Variants in ZNF236 observed in about 807,000 individuals in gnomAD.
ZNF236 encodes zinc finger protein 236, also known as regulated by glucose.
ZNF236 carries 50 observed loss-of-function variants against 191.2 expected under a neutral mutation model. The ratio of observed to expected loss-of-function variants is 0.26; its 90% CI spans 0.21 to 0.33. ZNF236 has a LOEUF of 0.33. Among genes scored for constraint, ZNF236 ranks in the 10% least tolerant of loss-of-function variants. The pLI is 1.00. For synonymous variants in ZNF236, 907 were observed against 928.8 expected (o/e 0.98, Z 0.43); for missense variants, 1,754 against 2,374.5 (o/e 0.74, Z 5.43).
chr18:76,951,874 C>A (rs1968418393), intron 27 of ZNF236, among the ~76,000 whole-genome samples: 1 of 152,122 alleles, frequency 6.6e-6, no homozygotes, highest in African/African-American at 2.4e-5. Flanking sequence ...CATTAATTGG[C>A]CTCATTTTAG....
In ZNF236 at chr18:76,912,395, C is replaced by T. The variant is rs756970237; in HGVS notation, c.2909+48C>T. 43 of 1,426,646 alleles carry T rather than the reference C, an allele frequency of 3.0e-5. No individual in the cohort carries two copies. The East Asian group carries it at 3.2e-4, about 11-fold the overall frequency. The allele number at this position is 1,426,646 out of a possible 1,614,324, so 88.4% of individuals were successfully genotyped here. A position where few individuals can be genotyped will look rare whatever the true frequency, so the allele number is the denominator to read the frequency against. On this transcript the variant is annotated intron_variant, in intron 17 of 30. Transcript: ENST00000320610. ...TCATGGTATTGCCGGCTCCCAGGAA[C>T]GGATGCTGCTGTGTGTTTGCCCCGC...
At chr18:76,956,826 A>G (rs2122952124) in intron 28 of ZNF236, among the ~76,000 whole-genome samples, 1 of 152,258 alleles carries the variant, frequency 6.6e-6, no homozygotes, top group South Asian at 2.1e-4. Context: ...TTCCGTGTGA[A>G]GGGAATGGGG....
chr18:76,861,920 A>C (rs1182738497), intron 3 of ZNF236, among the ~76,000 whole-genome samples: 2 of 152,090 alleles, frequency 1.3e-5, no homozygotes, highest in Non-Finnish European at 2.9e-5. Context: ...GCTGGAGTGC[A>C]GTGGTGCGAT....
rs1470007032 is a variant in ZNF236 at position 76,928,181 on chromosome 18, A to G, written c.4594+75A>G. 8 of 1,227,180 alleles carry G rather than the reference A, an allele frequency of 6.5e-6. No homozygotes were observed. The Admixed American group carries it at 1.1e-4, about 17-fold the overall frequency. 76.0% of individuals were successfully genotyped at this position (1,227,180 alleles called of 1,614,324 possible). A position where few individuals can be genotyped will look rare whatever the true frequency, so the allele number is the denominator to read the frequency against. On this transcript the variant is annotated intron_variant, in intron 25 of 30. Coordinates refer to ENST00000320610, the MANE Select transcript of ZNF236 (RefSeq NM_001306089.2). ...TGTATATCTTACTATCTCTTTTCCT[A>G]CAATACTCTGCTGTGCATAAAGCCC...
intron 1 of ZNF236, chr18:76,849,300 T>G (rs1035792742): frequency 2.3e-6 from 1 of 428,752 alleles, no homozygotes; most frequent in African/African-American, 2.1e-5. Context: ...CCCACCAATA[T>G]GTATTTAGAA....
intron 1 of ZNF236, among the ~76,000 whole-genome samples, chr18:76,847,602 G>A (rs999704816): frequency 3.3e-5 from 5 of 152,102 alleles, no homozygotes; most frequent in Admixed American, 1.3e-4. Flanking sequence ...AGTAGCTGGG[G>A]CTACAGGCGC....
At chr18:76,836,959 T>G (rs1975347835) in intron 1 of ZNF236, among the ~76,000 whole-genome samples, 1 of 152,064 alleles carries the variant, frequency 6.6e-6, no homozygotes, top group East Asian at 1.9e-4. Context: ...CACTGCAACC[T>G]TTGACTTCCA....
At chr18:76,910,907 T>A in intron 16 of ZNF236, 96 bp downstream of exon 16, 1 of 1,390,188 alleles carries the variant, frequency 7.2e-7, no homozygotes, top group Non-Finnish European at 9.8e-7. Flanking sequence ...AGGGAAATTT[T>A]AAGAGGCATG....
intron 27 of ZNF236, among the ~76,000 whole-genome samples, chr18:76,950,213 A>G (rs1053033860): frequency 6.6e-5 from 10 of 152,198 alleles, no homozygotes; most frequent in Non-Finnish European, 1.2e-4. Flanking sequence ...TCCCCATAGC[A>G]TGCAATGATG....
At chr18:76,873,894 T>C (rs1214305218) in intron 5 of ZNF236, among the ~76,000 whole-genome samples, 1 of 148,698 alleles carries the variant, frequency 6.7e-6, no homozygotes, top group Non-Finnish European at 1.5e-5. Context: ...TGTCGTCCTC[T>C]CCTGTCCCCA....
intron 9 of ZNF236, chr18:76,888,495 T>G (rs1977127845): frequency 6.6e-6 from 1 of 152,326 alleles, no homozygotes; most frequent in Non-Finnish European, 1.5e-5. Flanking sequence ...TGCGTGACGC[T>G]GAGATATCAG....
At chr18:76,834,805 C>A (rs1349768686) in intron 1 of ZNF236, 10 of 470,572 alleles carry the variant, frequency 2.1e-5, no homozygotes, top group Non-Finnish European at 4.2e-5. Flanking sequence ...AAGACAAAAT[C>A]TTCCTGCGAA....
rs1041591177 is a variant in ZNF236, at chr18:76,970,041, C to G, written c.*1702C>G. 2.0e-5 allele frequency: 3 copies of G among 152,616 alleles called. No individual in the cohort carries two copies. The highest frequency in any genetic ancestry group is 7.2e-5 in the African/African-American group (3 of 41,440). The allele number at this position is 152,616 out of a possible 1,614,324, so 9.5% of individuals were successfully genotyped here. On this transcript the variant is annotated 3_prime_UTR_variant, in exon 31 of 31. Transcript: ENST00000320610. Reference sequence around the variant, plus strand: ...CTTGAATGTCAGTGTGTAAACCTGGCTGTAGCCGCATATGCAGAATAACTG... The same window carrying G: ...CTTGAATGTCAGTGTGTAAACCTGGGTGTAGCCGCATATGCAGAATAACTG...
In ZNF236 at chr18:76,970,869, C is replaced by CA. The variant is rs1356972421; in HGVS notation, c.*2531dup. The stretch of plus-strand genomic sequence containing the variant: ...TGAAGTTCAGAGGCGTTTACCCCTG[C>CA]AGTGTCCACTGGAAAGGCTTCAGAC... On this transcript the variant is annotated 3_prime_UTR_variant, in exon 31 of 31. Transcript: ENST00000320610. 1 of 152,252 alleles carries CA rather than the reference C, an allele frequency of 6.6e-6. No individual in the cohort carries two copies. Among genetic ancestry groups the CA allele is most frequent in the African/African-American group, 2.4e-5 (1 of 41,470 alleles). The allele number at this position is 152,252 out of a possible 1,614,324, so 9.4% of individuals were successfully genotyped here. A position where few individuals can be genotyped will look rare whatever the true frequency, so the allele number is the denominator to read the frequency against.
intron 26 of ZNF236, among the ~76,000 whole-genome samples, chr18:76,944,316 C>T (rs1482058430): frequency 6.6e-6 from 1 of 152,126 alleles, no homozygotes; most frequent in African/African-American, 2.4e-5. Flanking sequence ...TAATCTTTAC[C>T]TCAGTGTAAA....
At position 76,927,083 on chromosome 18, in the gene ZNF236, C is replaced by T; in HGVS notation, c.4074C>T (p.Thr1358=). ...TVSLTDGSLA[T]LEGIQLQLAA... ...CTCTGACAGATGGGAGCCTGGCTACCCTAGAAGGCATCCAGTTACAGTTGG... is the reference window on the plus strand; with the variant it reads ...CTCTGACAGATGGGAGCCTGGCTACTCTAGAAGGCATCCAGTTACAGTTGG... Residue 1358 remains threonine, a synonymous_variant, in exon 23 of 31, where the codon ACC becomes ACT. Transcript: ENST00000320610. This position sits in a 1 kb window ranked among gnomAD's most constrained non-coding sequence, Gnocchi z 5.4. 1.2e-6 allele frequency: 2 copies of T among 1,613,792 alleles called. No individual in the cohort carries two copies. Among genetic ancestry groups the T allele is most frequent in the Non-Finnish European group, 1.7e-6 (2 of 1,179,946 alleles).
intron 18 of ZNF236, among the ~76,000 whole-genome samples, chr18:76,914,348 CAT>C (rs1967299529): frequency 6.6e-6 from 1 of 152,144 alleles, no homozygotes; most frequent in South Asian, 2.1e-4. Flanking sequence ...GAGTTATTTC[CAT>C]ATTTTGTTTA....
Position 76,935,715 on chromosome 18 carries a change from A to G in ZNF236, c.4595-1441A>G, listed in dbSNP as rs75676758. On this transcript the variant is annotated intron_variant, in intron 25 of 30. Coordinates refer to ENST00000320610, the MANE Select transcript of ZNF236 (RefSeq NM_001306089.2). ...TCTATGGTTTTGACCACTCATGTTAAAAACGTACCCGCAGGCTAGTGTGCG... is the reference window on the plus strand; with the variant it reads ...TCTATGGTTTTGACCACTCATGTTAGAAACGTACCCGCAGGCTAGTGTGCG... Among the ~76,000 whole-genome samples the G allele has an allele frequency of 4.9e-3, 742 of 152,322 alleles. 6 individuals carry two copies. The highest frequency in any genetic ancestry group is 0.017 in the African/African-American group (709 of 41,546).
At chr18:76,911,112 T>C (rs1967206694) in intron 16 of ZNF236, among the ~76,000 whole-genome samples, 1 of 152,254 alleles carries the variant, frequency 6.6e-6, no homozygotes, top group South Asian at 2.1e-4. Context: ...GGTACTATGT[T>C]GCTTTAGGCA....
Sources: allele counts gnomAD v4.1 joint callset (sites outside exome capture counted in the v4.1 genomes callset), GRCh38; gene constraint gnomAD v4.1.1; non-coding constraint Gnocchi (gnomAD v3.1); transcripts MANE v1.5; gene names NCBI Gene and HGNC (gene_info 2026-07-23, HGNC 2026-07-21).